Variants in GALNTL6 observed in about 807,000 individuals in gnomAD.
GALNTL6 encodes polypeptide N-acetylgalactosaminyltransferase-like 6.
Under a neutral mutation model 73.7 loss-of-function variants are expected in GALNTL6, and 46 were observed. That is an observed-to-expected ratio of 0.62 (90% CI 0.49 to 0.80). The LOEUF (loss-of-function observed/expected upper bound fraction) is 0.80. Among genes scored for constraint, GALNTL6 ranks in the 30% least tolerant of loss-of-function variants. The probability of loss-of-function intolerance (pLI) is 0.00; values close to 1 mark genes in which losing one functional copy is unlikely to be tolerated. For missense variants in GALNTL6, 604 were observed against 755.0 expected (o/e 0.80, Z 2.34); for synonymous variants, 259 against 263.7 (o/e 0.98, Z 0.17).
intron 5 of GALNTL6, among the ~76,000 whole-genome samples, chr4:172,444,966 G>A (rs1324149898): frequency 1.3e-5 from 2 of 152,136 alleles, no homozygotes; most frequent in East Asian, 3.8e-4. Context: ...AGATGTGGCT[G>A]AGAATGCAGC....
intron 9 of GALNTL6, among the ~76,000 whole-genome samples, chr4:172,940,682 TTATTA>T (rs202088415): frequency 0.11 from 16,871 of 151,992 alleles, 1,023 homozygotes; most frequent in Non-Finnish European, 0.12. Flanking sequence ...ATTATTATTA[TTATTA>T]TTTAGAGACA....
intron 8 of GALNTL6, among the ~76,000 whole-genome samples, chr4:172,895,351 T>G (rs375330467): frequency 4.0e-5 from 6 of 150,548 alleles, no homozygotes; most frequent in African/African-American, 1.5e-4. Flanking sequence ...CTTTAGTGTA[T>G]ATATTATACA....
At chr4:172,834,110 T>G (rs1253780021) in intron 7 of GALNTL6, among the ~76,000 whole-genome samples, 2 of 151,988 alleles carry the variant, frequency 1.3e-5, no homozygotes, top group African/African-American at 2.4e-5. Flanking sequence ...AGAGGGAAAC[T>G]CCATCTCAAA....
intron 11 of GALNTL6, among the ~76,000 whole-genome samples, chr4:173,019,241 C>A (rs1042147097): frequency 1.3e-5 from 2 of 152,136 alleles, no homozygotes; most frequent in African/African-American, 4.8e-5. Context: ...TTAGAACATG[C>A]TGGATCTGAG....
chr4:172,771,895 G>A (rs529451072), intron 5 of GALNTL6, among the ~76,000 whole-genome samples: 73 of 151,956 alleles, frequency 4.8e-4, no homozygotes, highest in Non-Finnish European at 5.6e-4. Context: ...TAAGTAGATC[G>A]GAACATTCAA....
chr4:172,977,912 T>C (rs933263033), intron 10 of GALNTL6, among the ~76,000 whole-genome samples: 1 of 152,192 alleles, frequency 6.6e-6, no homozygotes, highest in Non-Finnish European at 1.5e-5. Context: ...TGATCACAGC[T>C]CACTGCAGCC....
chr4:172,181,598 G>A (rs1350570179), intron 2 of GALNTL6, among the ~76,000 whole-genome samples: 2 of 149,222 alleles, frequency 1.3e-5, no homozygotes, highest in African/African-American at 5.1e-5. Context: ...TTCTGGCCAG[G>A]GCAATCAGGC....
At chr4:172,550,235 T>C (rs1202230812) in intron 5 of GALNTL6, among the ~76,000 whole-genome samples, 3 of 152,196 alleles carry the variant, frequency 2.0e-5, no homozygotes, top group Non-Finnish European at 4.4e-5. Context: ...GATAGCACTA[T>C]CCAATTGCCA....
At chr4:172,082,051 A>G (rs956908361) in intron 2 of GALNTL6, among the ~76,000 whole-genome samples, 2 of 151,788 alleles carry the variant, frequency 1.3e-5, no homozygotes, top group African/African-American at 4.8e-5. Flanking sequence ...TAATTTTCGT[A>G]TTTTTAGTAA....
At chr4:172,229,104 C>G (rs570256888) in intron 2 of GALNTL6, among the ~76,000 whole-genome samples, 2 of 152,252 alleles carry the variant, frequency 1.3e-5, no homozygotes, top group African/African-American at 4.8e-5. Flanking sequence ...TTATTTGATC[C>G]TCAGTTTACT....
chr4:172,473,318 C>T (rs998095499), intron 5 of GALNTL6, among the ~76,000 whole-genome samples: 3 of 152,280 alleles, frequency 2.0e-5, no homozygotes, highest in East Asian at 3.9e-4. Flanking sequence ...TCAACAAACA[C>T]ACACACTGCT....
At chr4:172,962,551 A>G (rs186397188) in intron 10 of GALNTL6, among the ~76,000 whole-genome samples, 28 of 152,330 alleles carry the variant, frequency 1.8e-4, no homozygotes, top group African/African-American at 6.7e-4. Flanking sequence ...TATTTTAGTA[A>G]GAAAGTGAAA....
chr4:172,339,365 G>A (rs966549300), intron 4 of GALNTL6, among the ~76,000 whole-genome samples: 4 of 149,160 alleles, frequency 2.7e-5, no homozygotes, highest in Non-Finnish European at 4.4e-5. Context: ...AGAAATCATG[G>A]CTACAGTAGT....
At chr4:172,931,380 T>C (rs1748330919) in intron 9 of GALNTL6, 112 bp downstream of exon 9, 1 of 708,534 alleles carries the variant, frequency 1.4e-6, no homozygotes. Context: ...TACAGAGAGC[T>C]CCTGTGCTTC....
intron 2 of GALNTL6, among the ~76,000 whole-genome samples, chr4:172,186,780 A>G (rs983565500): frequency 6.6e-6 from 1 of 152,084 alleles, no homozygotes; most frequent in Non-Finnish European, 1.5e-5. Flanking sequence ...TAGGGGGTTA[A>G]AAGAATATGG....
rs192619995 is a variant in GALNTL6 at position 172,340,292 on chromosome 4, A to G, written c.387-8231A>G. Among the ~76,000 whole-genome samples, 59 of 152,318 alleles carry G rather than the reference A, an allele frequency of 3.9e-4. 1 individual carries two copies. In the East Asian group the frequency reaches 7.7e-3, roughly 20 times the overall value. ...TTATTTTGTTAATATAGTGCATCAC[A>G]TTCATTAATTTTCATATATTGAACC... On this transcript the variant is annotated intron_variant, in intron 4 of 12. Transcript: ENST00000506823.
chr4:172,964,504 A>T (rs563730659), intron 10 of GALNTL6, among the ~76,000 whole-genome samples: 4 of 152,192 alleles, frequency 2.6e-5, no homozygotes, highest in East Asian at 1.9e-4. Flanking sequence ...TTAAAAATTC[A>T]TGTCAATACC....
intron 5 of GALNTL6, among the ~76,000 whole-genome samples, chr4:172,450,341 C>T (rs1300169023): frequency 6.6e-6 from 1 of 151,034 alleles, no homozygotes; most frequent in Non-Finnish European, 1.5e-5. Flanking sequence ...TAAGAGTAAT[C>T]CTTCATCTCA....
At chr4:172,410,674 A>C (rs1413760452) in intron 5 of GALNTL6, among the ~76,000 whole-genome samples, 2 of 152,118 alleles carry the variant, frequency 1.3e-5, no homozygotes, top group East Asian at 3.8e-4. Flanking sequence ...GGTCCCAGAA[A>C]ACTAACTTAA....
Sources: allele counts gnomAD v4.1 joint callset (sites outside exome capture counted in the v4.1 genomes callset), GRCh38; gene constraint gnomAD v4.1.1; transcripts MANE v1.5; gene names NCBI Gene and HGNC (gene_info 2026-07-23, HGNC 2026-07-21).